Variants in OXR1 observed in about 807,000 individuals in gnomAD.
The protein encoded by OXR1 is oxidation resistance 1, also known as oxidation resistance protein 1.
In OXR1, 41 loss-of-function variants were observed where a neutral mutation model predicts 104.6. The ratio of observed to expected loss-of-function variants is 0.39; its 90% CI spans 0.31 to 0.51. The LOEUF is 0.51. Ranked by LOEUF, OXR1 falls within the 20% of genes least tolerant of loss-of-function variation. OXR1 has a pLI of 0.77. For synonymous variants in OXR1, 348 were observed against 348.4 expected, an observed-to-expected ratio of 1.00 and a Z score of 0.01; for missense variants, 955 against 1,031.9, an observed-to-expected ratio of 0.93 and a Z score of 1.02.
At chr8:106,512,275 A>G (rs971043229) in intron 2 of OXR1, among the ~76,000 whole-genome samples, 3 of 152,180 alleles carry the variant, frequency 2.0e-5, no homozygotes, top group African/African-American at 7.2e-5. Context: ...CTTAAATGCT[A>G]TTCTGTTATT....
At chr8:106,377,050 A>G (rs1266463730) in intron 2 of OXR1, among the ~76,000 whole-genome samples, 1 of 152,224 alleles carries the variant, frequency 6.6e-6, no homozygotes, top group Non-Finnish European at 1.5e-5. Flanking sequence ...ATGGAACTCT[A>G]TGGAATAATT....
chr8:106,450,003 A>G (rs748387915), intron 2 of OXR1, among the ~76,000 whole-genome samples: 3 of 152,218 alleles, frequency 2.0e-5, no homozygotes, highest in Non-Finnish European at 2.9e-5. Context: ...TCATGAAGTC[A>G]TATATCATAG....
chr8:106,535,086 C>G (rs566629535), intron 3 of OXR1, among the ~76,000 whole-genome samples: 4 of 152,248 alleles, frequency 2.6e-5, no homozygotes, highest in African/African-American at 4.8e-5. Context: ...CCTCAGCCCC[C>G]CAAGTAGCTG....
chr8:106,436,534 A>AAAT (rs1819581071), intron 2 of OXR1, among the ~76,000 whole-genome samples: 1 of 151,622 alleles, frequency 6.6e-6, no homozygotes, highest in African/African-American at 2.4e-5. Flanking sequence ...AAAAAAAAAA[A>AAAT]TGAAGATGAG....
At chr8:106,276,796 T>C (rs1812064324) in intron 1 of OXR1, among the ~76,000 whole-genome samples, 1 of 151,056 alleles carries the variant, frequency 6.6e-6, no homozygotes. Flanking sequence ...TCTCTAATTA[T>C]GTTCAATTCA....
chr8:106,708,541 G>A (rs1025908098), intron 9 of OXR1, among the ~76,000 whole-genome samples: 2 of 151,984 alleles, frequency 1.3e-5, no homozygotes, highest in Non-Finnish European at 2.9e-5. Context: ...TTTATCCATT[G>A]ATGTTTGGCT....
rs73309233 is a variant in OXR1, at chr8:106,447,941, G to T, written c.24-71002G>T. 9.1e-4 allele frequency: 1,400 copies of T among 1,534,296 alleles called. 12 individuals are homozygous for T. In the African/African-American group the frequency reaches 0.017, roughly 19 times the overall value. On this transcript the variant is annotated intron_variant, in intron 2 of 16. Transcript: ENST00000517566. ...GTGGAGCTAACGAGACATCTAGTAC[G>T]GGGCTCACAGGTAACAGAACTCTGA...
At chr8:106,592,179 C>G (rs906525886) in intron 3 of OXR1, among the ~76,000 whole-genome samples, 1 of 152,166 alleles carries the variant, frequency 6.6e-6, no homozygotes, top group Non-Finnish European at 1.5e-5. Flanking sequence ...CAACAAACTA[C>G]TGTGTGCCTA....
At chr8:106,693,177 G>A (rs1179943593) in intron 7 of OXR1, among the ~76,000 whole-genome samples, 2 of 152,080 alleles carry the variant, frequency 1.3e-5, no homozygotes, top group Admixed American at 1.3e-4. Flanking sequence ...GGTACTGTGT[G>A]GAGTGTGAAC....
intron 2 of OXR1, among the ~76,000 whole-genome samples, chr8:106,434,466 A>G (rs1459599722): frequency 6.6e-6 from 1 of 152,192 alleles, no homozygotes; most frequent in Non-Finnish European, 1.5e-5. Flanking sequence ...ACAGTTTCCA[A>G]AAGAATAGTA....
chr8:106,405,166 A>G (rs1162718860), intron 2 of OXR1, among the ~76,000 whole-genome samples: 19,977 of 63,094 alleles, frequency 0.32, 2,905 homozygotes, highest in South Asian at 0.45. Flanking sequence ...ATATATATAT[A>G]TATATATATA....
At chr8:106,658,117 C>T in intron 3 of OXR1, 1 of 1,247,220 alleles carries the variant, frequency 8.0e-7, no homozygotes. Context: ...AGGGAGCCAG[C>T]CCAGGGGGAC....
At chr8:106,375,606 C>T (rs921229189) in intron 2 of OXR1, among the ~76,000 whole-genome samples, 3 of 152,232 alleles carry the variant, frequency 2.0e-5, no homozygotes, top group African/African-American at 7.2e-5. Context: ...CATCTGACTA[C>T]TAGGAAAGGG....
intron 11 of OXR1, among the ~76,000 whole-genome samples, chr8:106,720,932 G>A (rs1036199739): frequency 1.3e-5 from 2 of 152,148 alleles, no homozygotes; most frequent in Non-Finnish European, 2.9e-5. Context: ...ATATAAAGAT[G>A]AATTTGGAAT....
intron 1 of OXR1, among the ~76,000 whole-genome samples, chr8:106,323,480 G>A (rs1563717647): frequency 6.6e-6 from 1 of 152,186 alleles, no homozygotes; most frequent in Non-Finnish European, 1.5e-5. Context: ...GACAACAAAA[G>A]CAATTGCAAC....
chr8:106,640,596 C>T (rs1823549745), intron 3 of OXR1, among the ~76,000 whole-genome samples: 2 of 151,890 alleles, frequency 1.3e-5, no homozygotes, highest in African/African-American at 4.8e-5. Flanking sequence ...AGAATAAGTA[C>T]ATGTATATTT....
At chr8:106,738,620 A>G (rs535153419) in intron 12 of OXR1, among the ~76,000 whole-genome samples, 74 of 151,166 alleles carry the variant, frequency 4.9e-4, no homozygotes, top group African/African-American at 1.7e-3. Context: ...TTCTAATATT[A>G]TTATGTTTTA....
intron 2 of OXR1, among the ~76,000 whole-genome samples, chr8:106,491,887 A>T (rs985487706): frequency 6.6e-6 from 1 of 152,196 alleles, no homozygotes; most frequent in Non-Finnish European, 1.5e-5. Flanking sequence ...CACCTTTAGT[A>T]TGTTACCTCT....
At chr8:106,339,871 A>G (rs1003077245) in intron 1 of OXR1, among the ~76,000 whole-genome samples, 3 of 152,126 alleles carry the variant, frequency 2.0e-5, no homozygotes, top group African/African-American at 4.8e-5. Context: ...GAAGGATTAA[A>G]TGAGATAAAG....
Sources: gnomAD v4.1 joint callset for allele counts (sites outside exome capture counted in the v4.1 genomes callset) on GRCh38, gnomAD v4.1.1 for gene constraint, MANE v1.5 for transcripts, NCBI Gene and HGNC (gene_info 2026-07-23, HGNC 2026-07-21) for gene names.